Variants in TBL1X observed in about 807,000 individuals in gnomAD.
TBL1X encodes transducin beta like 1 X-linked, also known as F-box-like/WD repeat-containing protein TBL1X.
In TBL1X, 10 loss-of-function variants were observed where a neutral mutation model predicts 50.7. The observed-to-expected ratio is 0.20, with a 90% CI of 0.12 to 0.33. TBL1X has a LOEUF of 0.33. Ranked by LOEUF, TBL1X falls within the 10% of genes least tolerant of loss-of-function variation. The probability of loss-of-function intolerance (pLI) is 1.00; values close to 1 mark genes in which losing one functional copy is unlikely to be tolerated. For missense variants in TBL1X, 340 were observed against 504.4 expected (o/e 0.67, Z 3.12); for synonymous variants, 190 against 214.7 (o/e 0.88, Z 1.01).
chrX:9,696,097 ATAAC>A (rs1243227342), intron 11 of TBL1X, among the ~76,000 whole-genome samples: 3 of 112,860 alleles, frequency 2.7e-5, no homozygotes, highest in Non-Finnish European at 5.6e-5. Flanking sequence ...AAATGTTTGC[ATAAC>A]TGTTTTCTTT....
At chrX:9,472,006 C>T (rs770156574) in intron 1 of TBL1X, among the ~76,000 whole-genome samples, 209 of 111,184 alleles carry the variant, frequency 1.9e-3, no homozygotes, top group Middle Eastern at 0.014. Context: ...CTCTCCAAGA[C>T]GCTGAAACCT....
chrX:9,680,957 A>G (rs751268710), intron 5 of TBL1X, among the ~76,000 whole-genome samples: 6 of 112,571 alleles, frequency 5.3e-5, no homozygotes, highest in African/African-American at 1.6e-4. Context: ...TCCTTAGTCC[A>G]TCTTTACTGG....
At chrX:9,714,320 T>G (rs2083265573) in intron 16 of TBL1X, among the ~76,000 whole-genome samples, 2 of 112,492 alleles carry the variant, frequency 1.8e-5, no homozygotes, top group Non-Finnish European at 3.7e-5. Context: ...ATTTAATTGC[T>G]ACTGGGGTGG....
chrX:9,667,335 G>A (rs1191983423), intron 5 of TBL1X, among the ~76,000 whole-genome samples: 1 of 111,957 alleles, frequency 8.9e-6, no homozygotes, highest in Non-Finnish European at 1.9e-5. Flanking sequence ...CTGTGTGTAT[G>A]AGGAAGTTGG....
At chrX:9,565,196 C>T (rs993473357) in intron 2 of TBL1X, among the ~76,000 whole-genome samples, 8 of 91,491 alleles carry the variant, frequency 8.7e-5, no homozygotes, top group South Asian at 5.8e-4. Context: ...GGCGTGAACC[C>T]GGGAGGTGGA....
intron 13 of TBL1X, among the ~76,000 whole-genome samples, chrX:9,708,356 CAT>C (rs1483598580): frequency 3.6e-5 from 4 of 112,445 alleles, no homozygotes; most frequent in South Asian, 3.7e-4. Context: ...TTGCCTGTGT[CAT>C]GTGTGTTTGT....
intron 2 of TBL1X, among the ~76,000 whole-genome samples, chrX:9,503,026 A>G (rs1461179831): frequency 8.9e-6 from 1 of 112,805 alleles, no homozygotes; most frequent in East Asian, 2.8e-4. Context: ...CGGGGCCAAG[A>G]TGGCCAACTA....
intron 2 of TBL1X, chrX:9,637,915 T>G (rs2082756426): frequency 8.9e-6 from 1 of 111,773 alleles, no homozygotes; most frequent in Non-Finnish European, 1.9e-5. Flanking sequence ...GGTCTCTTAA[T>G]GAGGTGTGCT....
chrX:9,509,733 A>G (rs1035075414), intron 2 of TBL1X, among the ~76,000 whole-genome samples: 10 of 109,884 alleles, frequency 9.1e-5, no homozygotes, highest in Non-Finnish European at 1.7e-4. Flanking sequence ...CGATCAGCCC[A>G]CCTCGGCCTT....
chrX:9,633,659 T>C (rs773805909), intron 2 of TBL1X, among the ~76,000 whole-genome samples: 1 of 112,410 alleles, frequency 8.9e-6, no homozygotes, highest in Admixed American at 9.4e-5. Context: ...TACTGTCACC[T>C]TTAGATTTCA....
At chrX:9,601,218 T>C (rs2082554916) in intron 2 of TBL1X, among the ~76,000 whole-genome samples, 1 of 111,216 alleles carries the variant, frequency 9.0e-6, no homozygotes, top group Non-Finnish European at 1.9e-5. Flanking sequence ...GTCCACATAG[T>C]TGGGCCAGTG....
chrX:9,514,596 T>G, intron 2 of TBL1X, among the ~76,000 whole-genome samples: 1 of 112,135 alleles, frequency 8.9e-6, no homozygotes, highest in Non-Finnish European at 1.9e-5. Flanking sequence ...TTCTTTTGAT[T>G]AATTACACAC....
upstream of TBL1X, among the ~76,000 whole-genome samples, chrX:9,464,756 A>G (rs1318190311): frequency 1.8e-5 from 2 of 111,108 alleles, no homozygotes; most frequent in Non-Finnish European, 1.9e-5. Flanking sequence ...CAGAGCAACT[A>G]GGGAGAGGCC....
intron 11 of TBL1X, among the ~76,000 whole-genome samples, chrX:9,694,474 A>T (rs1601844745): frequency 9.0e-6 from 1 of 111,313 alleles, no homozygotes; most frequent in East Asian, 2.8e-4. Flanking sequence ...GGGTGCCTGT[A>T]ATCCCAGCTA....
chrX:9,504,259 A>G (rs913394059), intron 2 of TBL1X, among the ~76,000 whole-genome samples: 1 of 111,885 alleles, frequency 8.9e-6, no homozygotes, highest in Admixed American at 9.5e-5. Context: ...CATCAACAAC[A>G]ACAATCAAAT....
chrX:9,642,749 C>T (rs1014420759), intron 3 of TBL1X, among the ~76,000 whole-genome samples: 3 of 112,378 alleles, frequency 2.7e-5, no homozygotes, highest in Admixed American at 9.4e-5. Context: ...GCGGGCCAGG[C>T]GGTCTGTGCG....
At chrX:9,691,341 C>CAT (rs1203955246) in intron 7 of TBL1X, among the ~76,000 whole-genome samples, 1 of 105,721 alleles carries the variant, frequency 9.5e-6, no homozygotes, top group Non-Finnish European at 1.9e-5. Context: ...GAGGCTGAGG[C>CAT]ATGAGAATTG....
At chrX:9,683,805 C>G (rs948723215) in intron 5 of TBL1X, among the ~76,000 whole-genome samples, 12 of 111,329 alleles carry the variant, frequency 1.1e-4, no homozygotes, top group Non-Finnish European at 2.1e-4. Context: ...CATTTAAGTC[C>G]CTTGTTTCAT....
chrX:9,704,734 AAAT>A (rs1346365234), intron 12 of TBL1X, among the ~76,000 whole-genome samples: 3 of 93,964 alleles, frequency 3.2e-5, no homozygotes, highest in Non-Finnish European at 4.2e-5. Context: ...AAAAAAAAAA[AAAT>A]TTAAATTAGC....
Sources: allele counts gnomAD v4.1 joint callset (sites outside exome capture counted in the v4.1 genomes callset), GRCh38; gene constraint gnomAD v4.1.1; transcripts MANE v1.5; gene names NCBI Gene and HGNC (gene_info 2026-07-23, HGNC 2026-07-21).